Variants in CD28 observed in about 807,000 individuals in gnomAD.
CD28 encodes CD28 molecule, also known as T-cell-specific surface glycoprotein CD28.
Under a neutral mutation model 21.4 loss-of-function variants are expected in CD28, and 8 were observed. The ratio of observed to expected loss-of-function variants is 0.37; its 90% CI spans 0.22 to 0.68. The LOEUF is 0.68. Among genes scored for constraint, CD28 ranks in the 30% least tolerant of loss-of-function variants. The pLI, the probability that CD28 is intolerant of heterozygous loss-of-function variation, is 0.55. For missense variants in CD28, 239 were observed against 272.2 expected (o/e 0.88, Z 0.86); for synonymous variants, 106 against 104.0 (o/e 1.02, Z -0.12).
At chr2:203,731,662 A>T (rs1377622030) in intron 3 of CD28, among the ~76,000 whole-genome samples, 1 of 151,824 alleles carries the variant, frequency 6.6e-6, no homozygotes, top group African/African-American at 2.4e-5. Flanking sequence ...CAATTTGTTG[A>T]GTGACTTGAG....
intron 1 of CD28, among the ~76,000 whole-genome samples, chr2:203,714,617 T>C: frequency 6.6e-6 from 1 of 152,222 alleles, no homozygotes; most frequent in East Asian, 1.9e-4. Flanking sequence ...CTTCATCTGA[T>C]ACATGAAGAG....
intron 2 of CD28, among the ~76,000 whole-genome samples, chr2:203,728,759 G>C (rs911917379): frequency 6.6e-6 from 1 of 152,022 alleles, no homozygotes; most frequent in African/African-American, 2.4e-5. Context: ...TATATGAAAG[G>C]CATGCTACTT....
At chr2:203,730,667 G>C (rs1693867573) in intron 3 of CD28, among the ~76,000 whole-genome samples, 1 of 152,156 alleles carries the variant, frequency 6.6e-6, no homozygotes, top group Non-Finnish European at 1.5e-5. Context: ...GTCTCCAAAA[G>C]ACTATTTCTC....
At position 203,736,008 on chromosome 2, in the gene CD28, A is replaced by AAACAACAACAAC. The variant is rs55817478; in HGVS notation, c.*1117_*1128dup. 3 of 151,682 alleles carry AAACAACAACAAC rather than the reference A, an allele frequency of 2.0e-5. No individual in the cohort carries two copies. The highest frequency in any genetic ancestry group is 7.3e-5 in the African/African-American group (3 of 41,144). 9.4% of individuals were successfully genotyped at this position (151,682 alleles called of 1,614,324 possible). The stretch of plus-strand genomic sequence containing the variant: ...GGGCGACAGAGTGAGACTCCATCTC[A>AAACAACAACAAC]AACAACAACAACAACAACAACAACA... On this transcript the variant is annotated 3_prime_UTR_variant, in exon 4 of 4. Coordinates refer to ENST00000324106, the MANE Select transcript of CD28 (RefSeq NM_006139.4).
chr2:203,727,722 C>T (rs1693791220), intron 2 of CD28, among the ~76,000 whole-genome samples: 1 of 151,432 alleles, frequency 6.6e-6, no homozygotes, highest in African/African-American at 2.4e-5. Flanking sequence ...CTCTGTCGCC[C>T]AGGCTGGAAT....
chr2:203,709,115 A>C (rs1693244557), intron 1 of CD28, among the ~76,000 whole-genome samples: 2 of 152,050 alleles, frequency 1.3e-5, no homozygotes, highest in East Asian at 3.9e-4. Context: ...GTCTCAAAAA[A>C]AAAAAAAAAT....
intron 1 of CD28, among the ~76,000 whole-genome samples, chr2:203,718,349 A>G (rs1334277340): frequency 2.0e-5 from 3 of 152,148 alleles, no homozygotes; most frequent in Admixed American, 6.5e-5. Context: ...CAGGAAATAT[A>G]CTCAGAGGAA....
At chr2:203,714,445 G>A (rs1693410623) in intron 1 of CD28, among the ~76,000 whole-genome samples, 2 of 152,142 alleles carry the variant, frequency 1.3e-5, no homozygotes, top group African/African-American at 2.4e-5. Context: ...TTGGAACAAG[G>A]ATATGGTTGC....
chr2:203,710,219 G>A lies in CD28; in HGVS notation c.52+3471G>A, dbSNP rs1387903300. On this transcript the variant is annotated intron_variant, in intron 1 of 3. Coordinates refer to ENST00000324106, the MANE Select transcript of CD28 (RefSeq NM_006139.4). ...TTCTGTTAAAAGAAATTGACTGGAT[G>A]TTTTTGTCATTTCAAGTAAATTTGA... 3.3e-5 allele frequency among the ~76,000 whole-genome samples: 5 copies of A among 152,310 alleles called. No individual in the cohort carries two copies. The East Asian group carries it at 9.6e-4, about 29-fold the overall frequency.
intron 1 of CD28, 106 bp from the exon 2 acceptor site, chr2:203,726,527 C>T: frequency 1.3e-6 from 1 of 771,474 alleles, no homozygotes. Context: ...CAAGAGAAAA[C>T]CTTTGCTGGA....
At chr2:203,722,791 T>C (rs1693636850) in intron 1 of CD28, among the ~76,000 whole-genome samples, 1 of 152,102 alleles carries the variant, frequency 6.6e-6, no homozygotes. Context: ...TGCCAAGGAG[T>C]TAGTAGACAA....
chr2:203,732,799 A>G (rs1261698092), intron 3 of CD28, among the ~76,000 whole-genome samples: 1 of 152,166 alleles, frequency 6.6e-6, no homozygotes, highest in Non-Finnish European at 1.5e-5. Flanking sequence ...TGCATCTGTC[A>G]TTTTCATCCC....
Position 203,738,197 on chromosome 2 carries a change from G to T in CD28, c.*3285G>T, listed in dbSNP as rs1459081239. On this transcript the variant is annotated 3_prime_UTR_variant, in exon 4 of 4. Transcript: ENST00000324106. ...TCCAACTTCAGCCTTGACCCCATCA[G>T]TCCCTCGGGTTAACTAACTGAGCCA... is the stretch of plus-strand genomic sequence containing the variant. 1 of 152,096 alleles carries T rather than the reference G, an allele frequency of 6.6e-6. No individual in the cohort carries two copies. Among genetic ancestry groups the T allele is most frequent in the Non-Finnish European group, 1.5e-5 (1 of 68,034 alleles). The allele number at this position is 152,096 out of a possible 1,614,324, so 9.4% of individuals were successfully genotyped here.
At chr2:203,709,338 T>C (rs1320913185) in intron 1 of CD28, among the ~76,000 whole-genome samples, 1 of 152,144 alleles carries the variant, frequency 6.6e-6, no homozygotes, top group African/African-American at 2.4e-5. Flanking sequence ...AATAGTTCTT[T>C]TTTCCATTAA....
chr2:203,721,254 G>A (rs181331392), intron 1 of CD28, among the ~76,000 whole-genome samples: 132 of 152,230 alleles, frequency 8.7e-4, no homozygotes, highest in Admixed American at 1.4e-3. Context: ...TGGCCTTATC[G>A]AAAACAAATA....
chr2:203,719,252 C>T (rs963856639), intron 1 of CD28, among the ~76,000 whole-genome samples: 3 of 148,240 alleles, frequency 2.0e-5, no homozygotes, highest in Non-Finnish European at 4.5e-5. Context: ...CTCTTTTTTT[C>T]CCCCCAATAG....
chr2:203,731,337 C>T (rs776631635), intron 3 of CD28, among the ~76,000 whole-genome samples: 9 of 152,178 alleles, frequency 5.9e-5, no homozygotes, highest in South Asian at 4.1e-4. Flanking sequence ...TGATAATTTT[C>T]GAGTTTTTAG....
At chr2:203,711,304 G>T (rs1693305198) in intron 1 of CD28, among the ~76,000 whole-genome samples, 3 of 152,190 alleles carry the variant, frequency 2.0e-5, no homozygotes, top group Admixed American at 1.3e-4. Context: ...GAAGAGAAGT[G>T]CACTGGATAG....
At chr2:203,717,026 T>C (rs1481308251) in intron 1 of CD28, among the ~76,000 whole-genome samples, 3 of 152,060 alleles carry the variant, frequency 2.0e-5, no homozygotes, top group Non-Finnish European at 2.9e-5. Context: ...TTTGTATTTT[T>C]TGTAGAAATG....
Sources: gnomAD v4.1 joint callset for allele counts (sites outside exome capture counted in the v4.1 genomes callset) on GRCh38, gnomAD v4.1.1 for gene constraint, MANE v1.5 for transcripts, NCBI Gene and HGNC (gene_info 2026-07-23, HGNC 2026-07-21) for gene names.